FHIT: variants seen among roughly 807,000 people sequenced by gnomAD.
FHIT encodes fragile histidine triad diadenosine triphosphatase.
In FHIT, 19 loss-of-function variants were observed where a neutral mutation model predicts 17.9. The ratio of observed to expected loss-of-function variants is 1.06; its 90% CI spans 0.74 to 1.56. The LOEUF (loss-of-function observed/expected upper bound fraction) is 1.56, where lower values mean the gene tolerates loss of function less well. Ranked by LOEUF, FHIT falls within the 40% of genes most tolerant of loss-of-function variation. The pLI, the probability that FHIT is intolerant of heterozygous loss-of-function variation, is 0.00. For missense variants in FHIT, 248 were observed against 189.2 expected, an observed-to-expected ratio of 1.31 and a Z score of -1.82; for synonymous variants, 81 against 69.7, an observed-to-expected ratio of 1.16 and a Z score of -0.81.
intron 5 of FHIT, among the ~76,000 whole-genome samples, chr3:60,170,971 C>G (rs1384970449): frequency 6.6e-6 from 1 of 152,086 alleles, no homozygotes; most frequent in African/African-American, 2.4e-5. Flanking sequence ...AAACAAGGAG[C>G]CAACTTATTG....
intron 5 of FHIT, among the ~76,000 whole-genome samples, chr3:60,029,402 C>T (rs527470695): frequency 2.0e-4 from 30 of 152,210 alleles, no homozygotes; most frequent in African/African-American, 7.0e-4. Flanking sequence ...AAACCTGTGC[C>T]AAGAACTAGT....
chr3:60,940,953 C>T (rs1198195210), intron 3 of FHIT, among the ~76,000 whole-genome samples: 1 of 152,050 alleles, frequency 6.6e-6, no homozygotes, highest in African/African-American at 2.4e-5. Context: ...TCATAGGAGC[C>T]ACATGTCTGA....
chr3:59,767,761 C>T (rs1316984211), intron 8 of FHIT, among the ~76,000 whole-genome samples: 1 of 152,136 alleles, frequency 6.6e-6, no homozygotes, highest in Non-Finnish European at 1.5e-5. Context: ...ATGGTGCTGT[C>T]ATTTCCATTT....
At chr3:60,424,231 G>C (rs1177162601) in intron 5 of FHIT, among the ~76,000 whole-genome samples, 2 of 152,100 alleles carry the variant, frequency 1.3e-5, no homozygotes, top group Non-Finnish European at 2.9e-5. Flanking sequence ...GTAAGCCAAG[G>C]TTTGAACAGA....
intron 5 of FHIT, among the ~76,000 whole-genome samples, chr3:60,510,937 A>C (rs2034929483): frequency 1.3e-5 from 2 of 152,214 alleles, no homozygotes; most frequent in African/African-American, 4.8e-5. Context: ...TCTTACATCT[A>C]ATGTTAATGA....
At chr3:61,011,839 T>A (rs1006027983) in intron 3 of FHIT, among the ~76,000 whole-genome samples, 1 of 152,146 alleles carries the variant, frequency 6.6e-6, no homozygotes, top group Non-Finnish European at 1.5e-5. Context: ...AGGAGCAGAC[T>A]CACTGCAAAC....
intron 3 of FHIT, among the ~76,000 whole-genome samples, chr3:60,968,161 CT>C (rs908330502): frequency 1.3e-5 from 2 of 152,198 alleles, no homozygotes; most frequent in African/African-American, 4.8e-5. Flanking sequence ...ACCTTTCCAA[CT>C]TTTAGGCTGT....
intron 3 of FHIT, among the ~76,000 whole-genome samples, chr3:60,851,998 G>A (rs939884935): frequency 2.2e-4 from 34 of 152,178 alleles, no homozygotes; most frequent in African/African-American, 5.3e-4. Context: ...ATATTTGGTC[G>A]AACTTTATTC....
At chr3:59,884,586 A>C (rs1428358905) in intron 8 of FHIT, among the ~76,000 whole-genome samples, 1 of 152,188 alleles carries the variant, frequency 6.6e-6, no homozygotes, top group South Asian at 2.1e-4. Context: ...AAAGTTATTT[A>C]TTTGGCTATA....
At chr3:60,776,853 A>G (rs1700231047) in intron 4 of FHIT, among the ~76,000 whole-genome samples, 1 of 152,230 alleles carries the variant, frequency 6.6e-6, no homozygotes, top group Non-Finnish European at 1.5e-5. Context: ...TTTGAGTTAC[A>G]TTAGGAAAAA....
chr3:60,137,335 C>T (rs1340641723), intron 5 of FHIT, among the ~76,000 whole-genome samples: 2 of 152,146 alleles, frequency 1.3e-5, no homozygotes, highest in African/African-American at 4.8e-5. Flanking sequence ...GTGAGAGTCC[C>T]CCAGGAACAC....
In FHIT at chr3:61,020,938, G is replaced by A. The variant is rs192489608; in HGVS notation, c.-111+21109C>T. On this transcript the variant is annotated intron_variant, in intron 3 of 9. Transcript: ENST00000492590. ...ACAAAGATCAAAAAAGACAAAGTAGGGCATTACATAATGGTAAAGGGATCA... is the reference window on the plus strand; with the variant it reads ...ACAAAGATCAAAAAAGACAAAGTAGAGCATTACATAATGGTAAAGGGATCA... Among the ~76,000 whole-genome samples, 936 of 152,082 alleles carry A rather than the reference G, an allele frequency of 6.2e-3. 5 individuals are homozygous for A. The highest frequency in any genetic ancestry group is 0.011 in the Non-Finnish European group (752 of 67,990).
chr3:60,435,277 C>A (rs1489251375), intron 5 of FHIT, among the ~76,000 whole-genome samples: 1 of 152,132 alleles, frequency 6.6e-6, no homozygotes. Flanking sequence ...GAGCCACCAA[C>A]ATTACTAGGG....
At chr3:60,721,805 G>GTATTAT (rs578032919) in intron 4 of FHIT, among the ~76,000 whole-genome samples, 1 of 151,868 alleles carries the variant, frequency 6.6e-6, no homozygotes, top group Non-Finnish European at 1.5e-5. Flanking sequence ...ATAAAAAAGA[G>GTATTAT]TATTATTATT....
At chr3:61,166,263 G>A (rs1218493008) in intron 2 of FHIT, among the ~76,000 whole-genome samples, 1 of 152,210 alleles carries the variant, frequency 6.6e-6, no homozygotes, top group Non-Finnish European at 1.5e-5. Flanking sequence ...AGAAGTTAGT[G>A]GACTTGCCCA....
At chr3:60,784,339 C>CTT (rs57018877) in intron 4 of FHIT, among the ~76,000 whole-genome samples, 23,402 of 140,986 alleles carry the variant, frequency 0.17, 2,572 homozygotes, top group African/African-American at 0.3. Context: ...CTTCCAGGTT[C>CTT]TTTTTTTTTT....
chr3:59,950,598 C>T (rs550523039), intron 7 of FHIT, among the ~76,000 whole-genome samples: 1 of 152,184 alleles, frequency 6.6e-6, no homozygotes, highest in Admixed American at 6.5e-5. Context: ...TCCTACTATT[C>T]TCTCCTGCTT....
chr3:60,761,413 G>A (rs1699651501), intron 4 of FHIT, among the ~76,000 whole-genome samples: 1 of 152,114 alleles, frequency 6.6e-6, no homozygotes, highest in African/African-American at 2.4e-5. Context: ...AAAATTTTAA[G>A]ACAGACACTG....
intron 8 of FHIT, among the ~76,000 whole-genome samples, chr3:59,779,218 T>A (rs1702463580): frequency 6.6e-6 from 1 of 152,180 alleles, no homozygotes. Context: ...ATGCCATCAT[T>A]AGGTGCCACT....
Sources: allele counts gnomAD v4.1 joint callset (sites outside exome capture counted in the v4.1 genomes callset), GRCh38; gene constraint gnomAD v4.1.1; transcripts MANE v1.5; gene names NCBI Gene and HGNC (gene_info 2026-07-23, HGNC 2026-07-21).